The following FAM193B variants were observed in gnomAD, a reference collection of about 807,000 sequenced individuals.
The protein encoded by FAM193B is protein FAM193B.
FAM193B carries 27 observed loss-of-function variants against 70.7 expected under a neutral mutation model. The observed-to-expected ratio is 0.38, with a 90% confidence interval of 0.28 to 0.53. The LOEUF (loss-of-function observed/expected upper bound fraction) is 0.53, where lower values mean the gene tolerates loss of function less well. FAM193B is among the 20% of genes least tolerant of loss of function. The pLI, the probability that FAM193B is intolerant of heterozygous loss-of-function variation, is 0.81. For synonymous variants in FAM193B, 448 were observed against 436.0 expected, an observed-to-expected ratio of 1.03 and a Z score of -0.34; for missense variants, 1,022 against 1,072.5, an observed-to-expected ratio of 0.95 and a Z score of 0.66.
intron 1 of FAM193B, among the ~76,000 whole-genome samples, chr5:177,545,172 T>C (rs1342131024): frequency 5.3e-5 from 8 of 152,132 alleles, no homozygotes; most frequent in Non-Finnish European, 8.8e-5. Context: ...GCCTCCCAAG[T>C]GGCTAGGATT....
chr5:177,548,410 A>G (rs988105152), intron 1 of FAM193B, among the ~76,000 whole-genome samples: 20 of 152,204 alleles, frequency 1.3e-4, no homozygotes, highest in African/African-American at 3.9e-4. Flanking sequence ...GTTGGCAAAT[A>G]TCATTAATAG....
chr5:177,522,801 G>A (rs1319683440), intron 7 of FAM193B, among the ~76,000 whole-genome samples: 1 of 152,198 alleles, frequency 6.6e-6, no homozygotes, highest in Non-Finnish European at 1.5e-5. Flanking sequence ...TGCAACCTCT[G>A]ACTCCCAGGT....
At chr5:177,549,697 C>T (rs533657356) in intron 1 of FAM193B, among the ~76,000 whole-genome samples, 9 of 152,334 alleles carry the variant, frequency 5.9e-5, no homozygotes, top group South Asian at 2.1e-4. Context: ...CTTCTGCATG[C>T]GCAGCTAGCC....
rs1452513124 is a variant in FAM193B at position 177,521,955 on chromosome 5, A to ACTCTTGG, written c.*1+12_*1+18dup. 1.2e-6 allele frequency: 2 copies of ACTCTTGG among 1,602,006 alleles called. No individual in the cohort carries two copies. Among genetic ancestry groups the ACTCTTGG allele is most frequent in the Non-Finnish European group, 1.7e-6 (2 of 1,169,382 alleles). ...AGCACAGGGAGAGGCAGTGGATGTA[A>ACTCTTGG]CTCTTGGGGTCTCTGTACCTCACTG... is the stretch of plus-strand genomic sequence containing the variant. On this transcript the variant is annotated intron_variant, in intron 8 of 8. Coordinates refer to ENST00000514747, the MANE Select transcript of FAM193B (RefSeq NM_001190946.3).
At chr5:177,539,223 A>T in intron 1 of FAM193B, 76 bp from the exon 2 acceptor site, 1 of 1,438,496 alleles carries the variant, frequency 7.0e-7, no homozygotes, top group South Asian at 1.4e-5. Context: ...AATATTAGTA[A>T]TGCCACTTAT....
intron 1 of FAM193B, chr5:177,547,282 A>C (rs376784658): frequency 6.9e-4 from 17 of 24,676 alleles, no homozygotes; most frequent in Middle Eastern, 0.031. Flanking sequence ...AACCAAATTT[A>C]TTTCTTTTTT....
intron 5 of FAM193B, among the ~76,000 whole-genome samples, chr5:177,527,536 C>A (rs1228397427): frequency 6.6e-6 from 1 of 152,212 alleles, no homozygotes; most frequent in Non-Finnish European, 1.5e-5. Flanking sequence ...CACAGCAGCC[C>A]CACTGCCTGA....
chr5:177,554,496 CG>C lies in FAM193B; in HGVS notation c.-39del, dbSNP rs1561796987. On this transcript the variant is annotated 5_prime_UTR_variant, in exon 1 of 9. Transcript: ENST00000514747. ...GCCGCTCCCTCGCTCCACACGCCGC[CG>C]CCGCCGCCGCCGCCGCCGCCGCCGC... is the stretch of plus-strand genomic sequence containing the variant. 2 of 391,534 alleles carry C rather than the reference CG, an allele frequency of 5.1e-6. No individual in the cohort carries two copies. The highest frequency in any genetic ancestry group is 2.1e-3 in the Admixed American group (2 of 960). The allele number at this position is 391,534 out of a possible 1,614,324, so 24.3% of individuals were successfully genotyped here. A position where few individuals can be genotyped will look rare whatever the true frequency, so the allele number is the denominator to read the frequency against.
At chr5:177,553,285 C>A (rs947982044) in intron 1 of FAM193B, 1 of 987,738 alleles carries the variant, frequency 1.0e-6, no homozygotes, top group Admixed American at 6.1e-5. Flanking sequence ...ACGCATCTTC[C>A]GCCACGCCTC....
intron 1 of FAM193B, 28 bp downstream of exon 1, chr5:177,554,221 C>A (rs1766737784): frequency 6.7e-7 from 1 of 1,489,858 alleles, no homozygotes; most frequent in Non-Finnish European, 8.9e-7. Context: ...AGCGCCCGAG[C>A]CGCCGAAGTC....
intron 7 of FAM193B, 169 bp from the exon 8 acceptor site, chr5:177,522,240 G>A: frequency 1.7e-6 from 1 of 586,318 alleles, no homozygotes; most frequent in South Asian, 2.0e-5. Context: ...CTGGCTTGGG[G>A]GCTTCTGGAT....
Position 177,522,073 on chromosome 5 carries a change from T to C in FAM193B, c.2373-2A>G. ...TGCTTTGCAGAATCCAAACAGAACC[T>C]GTTGGGTTTGGGGGACACATGAGAA... On this transcript the variant is annotated splice_acceptor_variant, in intron 7 of 8. Transcript: ENST00000514747. LOFTEE classifies it high-confidence loss of function. The C allele has an allele frequency of 6.2e-7, 1 of 1,613,072 alleles. No individual in the cohort carries two copies. The highest frequency in any genetic ancestry group is 1.1e-5 in the South Asian group (1 of 91,048).
Position 177,528,764 on chromosome 5 carries a change from G to A in FAM193B, c.1276-3559C>T, listed in dbSNP as rs1189337070. On this transcript the variant is annotated intron_variant, in intron 5 of 8. Coordinates refer to ENST00000514747, the MANE Select transcript of FAM193B (RefSeq NM_001190946.3). ...GACAGAAGGACTGTGGGGAATGGAC[G>A]TGCTAAGGTACAGGAAGCCCAGGGA... Among the ~76,000 whole-genome samples, 6 of 152,238 alleles carry A rather than the reference G, an allele frequency of 3.9e-5. No individual in the cohort carries two copies. The South Asian group carries it at 8.3e-4, about 21-fold the overall frequency.
In FAM193B at chr5:177,524,035, AG is replaced by A; in HGVS notation, c.2297-4del. On this transcript the variant is annotated splice_polypyrimidine_tract_variant and splice_region_variant and intron_variant, in intron 6 of 8. Transcript: ENST00000514747. Reference sequence around the variant, plus strand: ...GTCCTTGGGCAGGAACACATCGTCTAGGAAGACACAGCCAGGAGGGCTCAGT... The same window carrying A: ...GTCCTTGGGCAGGAACACATCGTCTAGAAGACACAGCCAGGAGGGCTCAGT... The A allele has an allele frequency of 6.2e-7, 1 of 1,614,046 alleles. No homozygotes were observed. The highest frequency in any genetic ancestry group is 8.5e-7 in the Non-Finnish European group (1 of 1,179,884).
rs770256747 is a variant in FAM193B, at chr5:177,532,650, GGGGA to G, written c.1077-13_1077-10del. ...CCTTGCACCCGGGATCCCTGATGAT[GGGGA>G]GGAAGGCCCAGAGGTGAGGCAGGGT... is the stretch of plus-strand genomic sequence containing the variant. On this transcript the variant is annotated splice_polypyrimidine_tract_variant and intron_variant, in intron 4 of 8. Coordinates refer to ENST00000514747, the MANE Select transcript of FAM193B (RefSeq NM_001190946.3). The surrounding 1 kb of genome is among the most constrained non-coding windows in gnomAD (Gnocchi z 4.9). 39 of 1,527,606 alleles carry G rather than the reference GGGGA, an allele frequency of 2.6e-5. No individual in the cohort carries two copies. The highest frequency in any genetic ancestry group is 3.1e-5 in the Non-Finnish European group (35 of 1,146,148). The allele number at this position is 1,527,606 out of a possible 1,614,324, so 94.6% of individuals were successfully genotyped here. A position where few individuals can be genotyped will look rare whatever the true frequency, so the allele number is the denominator to read the frequency against.
intron 8 of FAM193B, among the ~76,000 whole-genome samples, chr5:177,520,403 G>T (rs337387): frequency 0.98 from 149,941 of 152,320 alleles, 73,849 homozygotes; most frequent in East Asian, 1. Context: ...TGACAAGGTG[G>T]GGGACAATCC....
Position 177,552,131 on chromosome 5 carries a change from T to C in FAM193B, c.210+2118A>G, listed in dbSNP as rs1281371213. The C allele has an allele frequency of 8.8e-6, 8 of 911,112 alleles. No individual in the cohort carries two copies. The South Asian group carries it at 3.0e-4, about 35-fold the overall frequency. 56.4% of individuals were successfully genotyped at this position (911,112 alleles called of 1,614,324 possible). A position where few individuals can be genotyped will look rare whatever the true frequency, so the allele number is the denominator to read the frequency against. ...GTTGCTCTGAGTTTCTGTTTCTTCATCTGAAAAATGGAGTAATGATAATTA... is the reference window on the plus strand; with the variant it reads ...GTTGCTCTGAGTTTCTGTTTCTTCACCTGAAAAATGGAGTAATGATAATTA... On this transcript the variant is annotated intron_variant, in intron 1 of 8. Coordinates refer to ENST00000514747, the MANE Select transcript of FAM193B (RefSeq NM_001190946.3).
Position 177,524,010 on chromosome 5 carries a change from G to T in FAM193B, c.2319C>A (p.Asp773Glu). The change falls in exon 7 of 9, where the codon GAC (aspartate) becomes GAA (glutamate). Residue 773 changes from aspartate to glutamate, a missense_variant. By Grantham distance (45) the Asp-to-Glu change is conservative (BLOSUM62 2). Transcript: ENST00000514747. ...TCTCATCCATCTCCACCCCGTCCAT[G>T]TCCTTGGGCAGGAACACATCGTCTA... ...SSLDDVFLPKDMDGVEMDETD... is the reference protein window; with the variant it reads ...SSLDDVFLPKEMDGVEMDETD... 1 of 1,614,076 alleles carries T rather than the reference G, an allele frequency of 6.2e-7. No homozygotes were observed. The highest frequency in any genetic ancestry group is 1.7e-5 in the Admixed American group (1 of 60,038).
chr5:177,538,193 C>T lies in FAM193B; in HGVS notation c.454-86G>A. The T allele has an allele frequency of 7.4e-7, 1 of 1,346,954 alleles. No individual in the cohort carries two copies. The highest frequency in any genetic ancestry group is 1.0e-6 in the Non-Finnish European group (1 of 1,001,156). The allele number at this position is 1,346,954 out of a possible 1,614,324, so 83.4% of individuals were successfully genotyped here. A position where few individuals can be genotyped will look rare whatever the true frequency, so the allele number is the denominator to read the frequency against. Reference sequence around the variant, plus strand: ...GCTGCCTCAGCTTTTCCTGAGGGAGCTCCTTCTCCTCCAGACCATGTGCCA... The same window carrying T: ...GCTGCCTCAGCTTTTCCTGAGGGAGTTCCTTCTCCTCCAGACCATGTGCCA... On this transcript the variant is annotated intron_variant, in intron 2 of 8. Transcript: ENST00000514747. The surrounding 1 kb of genome is among the most constrained non-coding windows in gnomAD (Gnocchi z 4.1).
Sources: gnomAD v4.1 joint callset for allele counts (sites outside exome capture counted in the v4.1 genomes callset) on GRCh38, gnomAD v4.1.1 for gene constraint, Gnocchi (gnomAD v3.1) non-coding constraint, MANE v1.5 for transcripts, NCBI Gene and HGNC (gene_info 2026-07-23, HGNC 2026-07-21) for gene names.